The following TRPM3 variants were observed in gnomAD, a reference collection of about 807,000 sequenced individuals.
TRPM3 encodes the protein long transient receptor potential channel 3.
TRPM3 carries 77 observed loss-of-function variants against 181.2 expected under a neutral mutation model. The observed-to-expected ratio is 0.42, with a 90% confidence interval of 0.35 to 0.51. The LOEUF is 0.51. TRPM3 is among the 20% of genes least tolerant of loss of function. TRPM3 has a pLI of 0.01. For synonymous variants in TRPM3, 745 were observed against 796.4 expected (o/e 0.94, Z 1.09); for missense variants, 1,759 against 2,196.7 (o/e 0.80, Z 3.98).
At chr9:71,219,100 A>C (rs1000136622) in intron 1 of TRPM3, among the ~76,000 whole-genome samples, 1 of 152,220 alleles carries the variant, frequency 6.6e-6, no homozygotes, top group African/African-American at 2.4e-5. Flanking sequence ...ATTGTGCTCA[A>C]AATTTTCTAG....
At chr9:70,930,850 A>G (rs1384781924) in intron 1 of TRPM3, among the ~76,000 whole-genome samples, 2 of 152,158 alleles carry the variant, frequency 1.3e-5, no homozygotes, top group Non-Finnish European at 2.9e-5. Context: ...GAGAACAGGA[A>G]AAACAGGGCA....
chr9:71,003,629 T>C (rs1053601491), intron 1 of TRPM3, among the ~76,000 whole-genome samples: 12 of 152,168 alleles, frequency 7.9e-5, no homozygotes, highest in African/African-American at 2.9e-4. Flanking sequence ...TTTTTACCAA[T>C]CTGATACATG....
At chr9:71,011,709 G>T (rs193034699) in intron 1 of TRPM3, among the ~76,000 whole-genome samples, 1 of 147,304 alleles carries the variant, frequency 6.8e-6, no homozygotes, top group Admixed American at 6.8e-5. Context: ...ATTGCATCTT[G>T]ATTTTAAATA....
intron 1 of TRPM3, among the ~76,000 whole-genome samples, chr9:71,045,223 A>G (rs1484921399): frequency 3.3e-5 from 5 of 152,022 alleles, no homozygotes; most frequent in Admixed American, 3.3e-4. Flanking sequence ...CAGCCTCCCG[A>G]GTAGCTGGGA....
intron 1 of TRPM3, among the ~76,000 whole-genome samples, chr9:71,113,995 T>C (rs146335973): frequency 2.3e-3 from 354 of 152,320 alleles, no homozygotes; most frequent in Non-Finnish European, 4.1e-3. Flanking sequence ...TAGATAGTCT[T>C]GGATCACACT....
intron 1 of TRPM3, among the ~76,000 whole-genome samples, chr9:71,178,495 A>T (rs1474480292): frequency 6.6e-6 from 1 of 152,114 alleles, no homozygotes; most frequent in Non-Finnish European, 1.5e-5. Flanking sequence ...TCCTGTCAGG[A>T]TTTTAGACTA....
chr9:70,943,920 C>T (rs139790309), intron 1 of TRPM3, among the ~76,000 whole-genome samples: 174 of 152,248 alleles, frequency 1.1e-3, no homozygotes, highest in African/African-American at 3.9e-3. Context: ...GCTGGAATTA[C>T]AGGCACCCAA....
At chr9:70,808,160 T>A (rs1188413902) in intron 6 of TRPM3, among the ~76,000 whole-genome samples, 1 of 152,180 alleles carries the variant, frequency 6.6e-6, no homozygotes, top group Non-Finnish European at 1.5e-5. Context: ...GATAACAGGT[T>A]CCTATGTTAT....
intron 9 of TRPM3, among the ~76,000 whole-genome samples, chr9:70,666,872 G>A (rs1165608071): frequency 6.6e-6 from 1 of 152,158 alleles, no homozygotes; most frequent in Middle Eastern, 3.4e-3. Context: ...CTTTCTGGAA[G>A]AGTATTTCAA....
intron 1 of TRPM3, among the ~76,000 whole-genome samples, chr9:70,909,093 G>A (rs1339590428): frequency 1.3e-5 from 2 of 152,166 alleles, no homozygotes; most frequent in Non-Finnish European, 2.9e-5. Context: ...GGTGAAAAAA[G>A]ATTAATTGCA....
intron 1 of TRPM3, among the ~76,000 whole-genome samples, chr9:71,217,757 A>C (rs2079987615): frequency 6.6e-6 from 1 of 152,158 alleles, no homozygotes; most frequent in African/African-American, 2.4e-5. Flanking sequence ...CCAACCAAAC[A>C]AACAAACCTG....
intron 11 of TRPM3, among the ~76,000 whole-genome samples, chr9:70,638,189 T>TG (rs2057513412): frequency 6.6e-6 from 1 of 152,120 alleles, no homozygotes; most frequent in African/African-American, 2.4e-5. Flanking sequence ...TTCTGGAGAA[T>TG]GGCAAAACAA....
chr9:71,416,632 A>T (rs989208524), intron 1 of TRPM3, among the ~76,000 whole-genome samples: 1 of 151,974 alleles, frequency 6.6e-6, no homozygotes, highest in Non-Finnish European at 1.5e-5. Flanking sequence ...TTTTAGGTAC[A>T]ATCACATTAA....
intron 6 of TRPM3, among the ~76,000 whole-genome samples, chr9:70,820,999 A>G (rs1389287529): frequency 2.0e-5 from 3 of 152,198 alleles, no homozygotes; most frequent in African/African-American, 7.2e-5. Flanking sequence ...ATTGCAATGT[A>G]ATATTCATTT....
At chr9:70,784,476 A>G (rs372819149) in intron 6 of TRPM3, among the ~76,000 whole-genome samples, 197 bp from the exon 7 acceptor site, 18 of 152,104 alleles carry the variant, frequency 1.2e-4, no homozygotes, top group East Asian at 7.7e-4. Context: ...CAGAAAGTCT[A>G]TTTGACTTTG....
At chr9:71,185,361 T>A (rs1212244869) in intron 1 of TRPM3, among the ~76,000 whole-genome samples, 1 of 152,126 alleles carries the variant, frequency 6.6e-6, no homozygotes, top group Non-Finnish European at 1.5e-5. Context: ...GGAAAGACAT[T>A]CGCTTGTAGC....
At chr9:70,698,937 G>T (rs1005106478) in intron 8 of TRPM3, among the ~76,000 whole-genome samples, 3 of 151,488 alleles carry the variant, frequency 2.0e-5, no homozygotes, top group Admixed American at 2.0e-4. Flanking sequence ...GGAACCATGA[G>T]CCAATTAAAC....
intron 1 of TRPM3, among the ~76,000 whole-genome samples, chr9:70,936,464 A>G (rs528573024): frequency 1.3e-5 from 2 of 152,212 alleles, no homozygotes; most frequent in Non-Finnish European, 2.9e-5. Context: ...TTGGAATAAG[A>G]TAAAAAATTC....
intron 22 of TRPM3, among the ~76,000 whole-genome samples, chr9:70,583,648 A>AT (rs982518409): frequency 1.3e-5 from 2 of 152,212 alleles, no homozygotes; most frequent in African/African-American, 2.4e-5. Flanking sequence ...GCCATTGCCA[A>AT]TTTCAAAAGG....
Sources: allele counts gnomAD v4.1 joint callset (sites outside exome capture counted in the v4.1 genomes callset), GRCh38; gene constraint gnomAD v4.1.1; transcripts MANE v1.5; gene names NCBI Gene and HGNC (gene_info 2026-07-23, HGNC 2026-07-21).